Variants in FYB2 observed in about 807,000 individuals in gnomAD.
FYB2 encodes the protein FYN binding protein 2, also known as FYN-binding protein 2.
In FYB2, 103 loss-of-function variants were observed where a neutral mutation model predicts 94.1. The ratio of observed to expected loss-of-function variants is 1.09; its 90% CI spans 0.93 to 1.29. The LOEUF (loss-of-function observed/expected upper bound fraction) is 1.29. FYB2 is among the 50% of genes most tolerant of loss of function. The probability of loss-of-function intolerance (pLI) is 0.00; values close to 1 mark genes in which losing one functional copy is unlikely to be tolerated. For synonymous variants in FYB2, 293 were observed against 287.9 expected (o/e 1.02, Z -0.18); for missense variants, 896 against 841.5 (o/e 1.06, Z -0.80).
intron 1 of FYB2, among the ~76,000 whole-genome samples, chr1:56,806,779 C>CAA (rs5774304): frequency 0.72 from 110,023 of 151,792 alleles, 40,234 homozygotes; most frequent in Middle Eastern, 0.82. Context: ...GATATTGCTT[C>CAA]GATACTAAAA....
At chr1:56,780,455 G>C (rs1627414) in intron 4 of FYB2, among the ~76,000 whole-genome samples, 117,960 of 152,114 alleles carry the variant, frequency 0.78, 46,783 homozygotes, top group East Asian at 0.97. Flanking sequence ...GTAAAGTGTT[G>C]TTTGAATCCT....
intron 1 of FYB2, among the ~76,000 whole-genome samples, chr1:56,793,059 A>G (rs1030659773): frequency 3.9e-5 from 6 of 152,168 alleles, no homozygotes; most frequent in Non-Finnish European, 7.4e-5. Flanking sequence ...TTTAATTTTC[A>G]CACAGCACAT....
chr1:56,746,696 T>C (rs891666109), intron 9 of FYB2, among the ~76,000 whole-genome samples: 2 of 152,040 alleles, frequency 1.3e-5, no homozygotes, highest in Admixed American at 6.6e-5. Flanking sequence ...TCCATTCTAC[T>C]TTTTATGGGC....
chr1:56,807,421 C>A lies in FYB2; in HGVS notation c.9+11861G>T, dbSNP rs530773326. 2.0e-5 allele frequency among the ~76,000 whole-genome samples: 3 copies of A among 152,258 alleles called. No individual in the cohort carries two copies. The South Asian group carries it at 6.2e-4, about 32-fold the overall frequency. On this transcript the variant is annotated intron_variant, in intron 1 of 19. Transcript: ENST00000343433. ...CTAAATGCATCTGGGGCAGGTTTTACAGGTGTTAGATGTTTTTGCTTTTTA... is the reference window on the plus strand; with the variant it reads ...CTAAATGCATCTGGGGCAGGTTTTAAAGGTGTTAGATGTTTTTGCTTTTTA...
chr1:56,810,985 A>C (rs1246157902), intron 1 of FYB2, among the ~76,000 whole-genome samples: 3 of 152,140 alleles, frequency 2.0e-5, no homozygotes, highest in Non-Finnish European at 4.4e-5. Flanking sequence ...GTAGATGGTG[A>C]ACTCCTTCAG....
intron 4 of FYB2, among the ~76,000 whole-genome samples, chr1:56,777,743 C>T (rs113897776): frequency 3.9e-5 from 6 of 152,078 alleles, no homozygotes; most frequent in South Asian, 4.1e-4. Flanking sequence ...CCTGCCTCTT[C>T]GCTTCTGTCC....
chr1:56,757,664 T>C (rs1463388648), intron 6 of FYB2, among the ~76,000 whole-genome samples: 17 of 151,166 alleles, frequency 1.1e-4, no homozygotes, highest in African/African-American at 3.9e-4. Context: ...TTTCTTTTTC[T>C]TTCTTTCCTC....
Position 56,812,424 on chromosome 1 carries a change from T to G in FYB2, c.9+6858A>C, listed in dbSNP as rs200469721. Among the ~76,000 whole-genome samples, 25 of 152,324 alleles carry G rather than the reference T, an allele frequency of 1.6e-4. No individual in the cohort carries two copies. The East Asian group carries it at 4.4e-3, about 27-fold the overall frequency. ...GAATTTGAATACTGATTCTACTCTG[T>G]CTGTAAAATGGGGAAGATGATTAAC... On this transcript the variant is annotated intron_variant, in intron 1 of 19. Transcript: ENST00000343433.
At chr1:56,757,829 G>T (rs1260856112) in intron 6 of FYB2, among the ~76,000 whole-genome samples, 6 of 149,300 alleles carry the variant, frequency 4.0e-5, no homozygotes, top group African/African-American at 1.5e-4. Context: ...AAGTGTAGTG[G>T]TACAATATCG....
intron 2 of FYB2, 84 bp from the exon 3 acceptor site, chr1:56,789,218 C>G: frequency 7.0e-7 from 1 of 1,434,532 alleles, no homozygotes; most frequent in South Asian, 1.4e-5. Context: ...TTGCCTCCAT[C>G]TAAGTCCCGT....
intron 14 of FYB2, chr1:56,737,553 A>G (rs12137718): frequency 0.094 from 14,630 of 154,970 alleles, 952 homozygotes; most frequent in South Asian, 0.22. Context: ...AAACAGCTTA[A>G]TAGAACAGTA....
At chr1:56,721,438 A>G (rs1569835854) in intron 17 of FYB2, among the ~76,000 whole-genome samples, 1 of 152,158 alleles carries the variant, frequency 6.6e-6, no homozygotes, top group Non-Finnish European at 1.5e-5. Flanking sequence ...ACCAAATGAG[A>G]TCAGAAATAC....
intron 1 of FYB2, among the ~76,000 whole-genome samples, chr1:56,808,065 A>G (rs1189564122): frequency 1.3e-5 from 2 of 152,170 alleles, no homozygotes; most frequent in East Asian, 1.9e-4. Context: ...GGATTTAACA[A>G]TGAGGTCAGA....
chr1:56,740,409 C>T (rs954038680), intron 13 of FYB2, among the ~76,000 whole-genome samples: 2 of 152,062 alleles, frequency 1.3e-5, no homozygotes, highest in African/African-American at 4.8e-5. Context: ...GATGTTAAGG[C>T]TGATGAGGAA....
chr1:56,734,052 C>G (rs1644773414), intron 15 of FYB2, among the ~76,000 whole-genome samples: 1 of 152,052 alleles, frequency 6.6e-6, no homozygotes, highest in Non-Finnish European at 1.5e-5. Flanking sequence ...GAGTCTAAGT[C>G]TCTTTGTAGG....
chr1:56,739,614 T>C (rs934728261), intron 13 of FYB2, among the ~76,000 whole-genome samples: 1 of 152,072 alleles, frequency 6.6e-6, no homozygotes, highest in African/African-American at 2.4e-5. Flanking sequence ...GTTCCCAGCC[T>C]TACAATGGTT....
chr1:56,763,901 G>A (rs1381572717), intron 5 of FYB2, among the ~76,000 whole-genome samples: 1 of 149,954 alleles, frequency 6.7e-6, no homozygotes, highest in Non-Finnish European at 1.5e-5. Flanking sequence ...TCGCGAGATT[G>A]CATTTCTTTT....
At chr1:56,771,597 T>C (rs1645756206) in intron 4 of FYB2, among the ~76,000 whole-genome samples, 1 of 152,154 alleles carries the variant, frequency 6.6e-6, no homozygotes, top group South Asian at 2.1e-4. Context: ...TAGATGCAGT[T>C]GAAGGGGACT....
At chr1:56,765,021 T>C (rs974267531) in intron 5 of FYB2, among the ~76,000 whole-genome samples, 6 of 152,148 alleles carry the variant, frequency 3.9e-5, no homozygotes, top group African/African-American at 7.2e-5. Flanking sequence ...TACCATCGCA[T>C]TGGGGGTAGG....
Sources: allele counts gnomAD v4.1 joint callset (sites outside exome capture counted in the v4.1 genomes callset), GRCh38; gene constraint gnomAD v4.1.1; transcripts MANE v1.5; gene names NCBI Gene and HGNC (gene_info 2026-07-23, HGNC 2026-07-21).